KLF12: variants seen among roughly 807,000 people sequenced by gnomAD.
The protein encoded by KLF12 is KLF transcription factor 12, also known as Krueppel-like factor 12.
KLF12 carries 9 observed loss-of-function variants against 37.8 expected under a neutral mutation model. That is an observed-to-expected ratio of 0.24 (90% CI 0.14 to 0.42). The LOEUF is 0.42. Ranked by LOEUF, KLF12 falls within the 10% of genes least tolerant of loss-of-function variation. The pLI is 1.00. For missense variants in KLF12, 411 were observed against 516.0 expected, an observed-to-expected ratio of 0.80 and a Z score of 1.97; for synonymous variants, 208 against 202.1, an observed-to-expected ratio of 1.03 and a Z score of -0.25.
chr13:73,999,531 A>C (rs976669969), intron 1 of KLF12, among the ~76,000 whole-genome samples: 1 of 152,006 alleles, frequency 6.6e-6, no homozygotes, highest in African/African-American at 2.4e-5. Flanking sequence ...CAGGAGATCA[A>C]GACCATCCTG....
intron 5 of KLF12, among the ~76,000 whole-genome samples, chr13:73,794,965 C>A (rs534915413): frequency 6.6e-6 from 1 of 152,134 alleles, no homozygotes; most frequent in African/African-American, 2.4e-5. Context: ...GGAGTACAGA[C>A]GCGTCTTTGT....
chr13:74,239,480 A>C, the KLF12 span, among the ~76,000 whole-genome samples: 8 of 120,194 alleles, frequency 6.7e-5, no homozygotes, highest in Non-Finnish European at 1.4e-4. Flanking sequence ...AGCTGAGTTC[A>C]ATTCCTGGGT....
chr13:73,831,347 T>C (rs1594143128), intron 4 of KLF12, among the ~76,000 whole-genome samples: 1 of 152,154 alleles, frequency 6.6e-6, no homozygotes, highest in East Asian at 1.9e-4. Context: ...AATATCTACA[T>C]GTTGGTTATT....
chr13:73,866,351 G>T (rs1486835889), intron 3 of KLF12, among the ~76,000 whole-genome samples: 1 of 151,986 alleles, frequency 6.6e-6, no homozygotes, highest in East Asian at 1.9e-4. Flanking sequence ...GAAAGAATAG[G>T]GAAACAGGGC....
At chr13:74,052,495 A>G (rs1170404948) in intron 1 of KLF12, among the ~76,000 whole-genome samples, 1 of 152,136 alleles carries the variant, frequency 6.6e-6, no homozygotes, top group Non-Finnish European at 1.5e-5. Context: ...AATAACAATG[A>G]GCCAACTTAT....
intron 1 of KLF12, among the ~76,000 whole-genome samples, chr13:74,127,325 T>C (rs1420574502): frequency 2.0e-5 from 3 of 152,202 alleles, no homozygotes; most frequent in Non-Finnish European, 2.9e-5. Context: ...GTTGACAGCG[T>C]TGAATATATT....
At chr13:73,829,965 A>C (rs748437812) in intron 4 of KLF12, among the ~76,000 whole-genome samples, 1 of 152,232 alleles carries the variant, frequency 6.6e-6, no homozygotes, top group Non-Finnish European at 1.5e-5. Flanking sequence ...TATATAGTTA[A>C]AACTAGTGTA....
intron 2 of KLF12, among the ~76,000 whole-genome samples, chr13:73,956,721 G>A (rs1253057548): frequency 6.6e-6 from 1 of 152,004 alleles, no homozygotes; most frequent in Non-Finnish European, 1.5e-5. Flanking sequence ...AGGAGTTTCA[G>A]ACCAGCCCTG....
At chr13:74,070,489 TTTTG>T (rs147894249) in intron 1 of KLF12, among the ~76,000 whole-genome samples, 13,154 of 151,688 alleles carry the variant, frequency 0.087, 747 homozygotes, top group Non-Finnish European at 0.13. Flanking sequence ...GAATATGGGG[TTTTG>T]TTTGTTTGTT....
chr13:73,913,927 G>GT (rs1328585321), intron 3 of KLF12, among the ~76,000 whole-genome samples: 14 of 152,070 alleles, frequency 9.2e-5, no homozygotes, highest in South Asian at 2.1e-4. Context: ...TAAAAGAAAA[G>GT]TTTTTTTTAA....
intron 3 of KLF12, among the ~76,000 whole-genome samples, chr13:73,926,922 C>T (rs1026731322): frequency 3.7e-5 from 5 of 135,408 alleles, no homozygotes; most frequent in Non-Finnish European, 1.6e-5. Context: ...CAGCACTCAA[C>T]TCCGTGTCTC....
At chr13:73,977,206 C>A (rs772483465) in intron 2 of KLF12, among the ~76,000 whole-genome samples, 3 of 151,954 alleles carry the variant, frequency 2.0e-5, no homozygotes, top group Admixed American at 6.6e-5. Context: ...CAACACCCGG[C>A]TAGCTTTTGT....
At chr13:73,982,443 G>A (rs992137903) in intron 2 of KLF12, among the ~76,000 whole-genome samples, 5 of 152,130 alleles carry the variant, frequency 3.3e-5, no homozygotes, top group East Asian at 3.9e-4. Flanking sequence ...AAAGGTAAAC[G>A]TACACTTAGG....
chr13:73,992,741 G>A (rs538146800), intron 2 of KLF12, among the ~76,000 whole-genome samples: 17 of 152,206 alleles, frequency 1.1e-4, no homozygotes, highest in East Asian at 1.9e-4. Context: ...TAAAAACTTC[G>A]TCTTAATATT....
chr13:73,793,585 C>T lies in KLF12; in HGVS notation c.806+19567G>A, dbSNP rs56317115. ...TGAATGCATTTCCTGGATTAAGACT[C>T]CTTTCCAGTACAACTATTGTCTTCA... On this transcript the variant is annotated intron_variant, in intron 5 of 7. Transcript: ENST00000377669. Among the ~76,000 whole-genome samples, 527 of 152,258 alleles carry T rather than the reference C, an allele frequency of 3.5e-3. 11 individuals are homozygous for T. The highest frequency in any genetic ancestry group is 0.012 in the African/African-American group (489 of 41,550).
At chr13:74,063,736 T>TA (rs35361344) in intron 1 of KLF12, among the ~76,000 whole-genome samples, 22 of 152,208 alleles carry the variant, frequency 1.4e-4, no homozygotes, top group Non-Finnish European at 2.9e-4. Flanking sequence ...ACTCATGCAC[T>TA]AAAAAAGGTG....
intron 3 of KLF12, among the ~76,000 whole-genome samples, chr13:73,857,623 C>T (rs1014372058): frequency 1.3e-5 from 2 of 152,042 alleles, no homozygotes; most frequent in African/African-American, 4.8e-5. Flanking sequence ...ACACAGATGG[C>T]AATTTTAAAT....
At chr13:74,174,335 C>CTTTTTTTTTTTTTTTTT in the KLF12 span, among the ~76,000 whole-genome samples, 1 of 133,164 alleles carries the variant, frequency 7.5e-6, no homozygotes, top group Admixed American at 7.6e-5. Context: ...TCTTTCTTTT[C>CTTTTTTTTTTTTTTTTT]TTTTTTTTTT....
chr13:73,708,673 G>T (rs1875134472), intron 7 of KLF12, among the ~76,000 whole-genome samples: 3 of 152,084 alleles, frequency 2.0e-5, no homozygotes, highest in Admixed American at 1.3e-4. Flanking sequence ...AGAAAATAGT[G>T]AGAATTCTAA....
Sources: gnomAD v4.1 joint callset for allele counts (sites outside exome capture counted in the v4.1 genomes callset) on GRCh38, gnomAD v4.1.1 for gene constraint, MANE v1.5 for transcripts, NCBI Gene and HGNC (gene_info 2026-07-23, HGNC 2026-07-21) for gene names.